VPS13B: variants seen among roughly 807,000 people sequenced by gnomAD.
VPS13B encodes vacuolar protein sorting 13 homolog B.
In VPS13B, 285 loss-of-function variants were observed where a neutral mutation model predicts 426.4. The ratio of observed to expected loss-of-function variants is 0.67; its 90% CI spans 0.61 to 0.74. The LOEUF is 0.74. Among genes scored for constraint, VPS13B ranks in the 30% least tolerant of loss-of-function variants. The pLI, the probability that VPS13B is intolerant of heterozygous loss-of-function variation, is 0.00. For missense variants in VPS13B, 4,537 were observed against 4,782.6 expected (o/e 0.95, Z 1.51); for synonymous variants, 1,676 against 1,676.4 (o/e 1.00, Z 0.01).
At chr8:99,499,118 G>A (rs1019734706) in intron 25 of VPS13B, among the ~76,000 whole-genome samples, 1 of 152,082 alleles carries the variant, frequency 6.6e-6, no homozygotes, top group Non-Finnish European at 1.5e-5. Flanking sequence ...GCAACAAAAT[G>A]GTAAAAGAAT....
chr8:99,203,097 C>G (rs1814452434), intron 17 of VPS13B, among the ~76,000 whole-genome samples: 1 of 151,500 alleles, frequency 6.6e-6, no homozygotes, highest in Middle Eastern at 3.2e-3. Context: ...GATGAACATC[C>G]ATGTGAAAAT....
rs532174582 is a variant in VPS13B at position 99,098,758 on chromosome 8, T to C, written c.412+2326T>C. ...ATCACATTTTTAGTGTAATGCTGTT[T>C]TTTATTATTAAAAAAATCTCTTAAA... On this transcript the variant is annotated intron_variant, in intron 4 of 61. Coordinates refer to ENST00000357162, the MANE Select transcript of VPS13B (RefSeq NM_152564.5). 8.5e-5 allele frequency among the ~76,000 whole-genome samples: 13 copies of C among 152,266 alleles called. No homozygotes were observed. The South Asian group carries it at 2.7e-3, about 32-fold the overall frequency.
intron 30 of VPS13B, among the ~76,000 whole-genome samples, chr8:99,539,980 G>A (rs1354573195): frequency 2.1e-5 from 2 of 95,696 alleles, no homozygotes; most frequent in Non-Finnish European, 3.9e-5. Context: ...AATGCTTATA[G>A]AAATAAATGA....
intron 36 of VPS13B, among the ~76,000 whole-genome samples, chr8:99,709,552 ATT>A (rs1249857077): frequency 6.6e-6 from 1 of 152,202 alleles, no homozygotes; most frequent in African/African-American, 2.4e-5. Context: ...TTCTGAAATT[ATT>A]TCTCAATGTT....
intron 19 of VPS13B, among the ~76,000 whole-genome samples, chr8:99,296,742 G>A (rs1034701209): frequency 4.6e-5 from 7 of 152,084 alleles, no homozygotes; most frequent in African/African-American, 7.2e-5. Context: ...TTATAAAAGA[G>A]GTTGAAGGAA....
chr8:99,211,149 TTA>T (rs1484735094), intron 17 of VPS13B, among the ~76,000 whole-genome samples: 3 of 152,140 alleles, frequency 2.0e-5, no homozygotes, highest in Non-Finnish European at 4.4e-5. Context: ...TGAAATTTTC[TTA>T]TAGGAATGAG....
At chr8:99,863,326 T>G (rs946497901) in intron 58 of VPS13B, among the ~76,000 whole-genome samples, 1 of 152,126 alleles carries the variant, frequency 6.6e-6, no homozygotes, top group South Asian at 2.1e-4. Context: ...CTTAATCCAA[T>G]GGATTAAGTG....
intron 4 of VPS13B, among the ~76,000 whole-genome samples, chr8:99,099,446 A>G (rs924688577): frequency 2.0e-5 from 3 of 152,222 alleles, no homozygotes; most frequent in Admixed American, 1.3e-4. Context: ...GACCACATCA[A>G]GATGAATCAA....
chr8:99,432,907 G>T (rs1055268160), intron 22 of VPS13B, among the ~76,000 whole-genome samples: 3 of 152,178 alleles, frequency 2.0e-5, no homozygotes, highest in Non-Finnish European at 4.4e-5. Flanking sequence ...TTACCATACT[G>T]TATTCAGAGA....
chr8:99,261,035 C>G (rs1818013506), intron 17 of VPS13B, among the ~76,000 whole-genome samples: 1 of 152,034 alleles, frequency 6.6e-6, no homozygotes, highest in South Asian at 2.1e-4. Context: ...TACCCCCACC[C>G]CAAAACATGT....
At chr8:99,793,579 A>G (rs1172115085) in intron 43 of VPS13B, among the ~76,000 whole-genome samples, 1 of 152,138 alleles carries the variant, frequency 6.6e-6, no homozygotes, top group African/African-American at 2.4e-5. Flanking sequence ...ATTATTGATC[A>G]TGGAAGAGAA....
intron 25 of VPS13B, among the ~76,000 whole-genome samples, chr8:99,491,947 G>A (rs1472660545): frequency 6.6e-6 from 1 of 152,092 alleles, no homozygotes; most frequent in East Asian, 1.9e-4. Context: ...GAGGCGCTCT[G>A]GTTTTTGGAA....
Position 99,848,897 on chromosome 8 carries a change from A to G in VPS13B, c.10061+3A>G, listed in dbSNP as rs1588779240. 1.9e-6 allele frequency: 3 copies of G among 1,611,868 alleles called. No homozygotes were observed. On this transcript the variant is annotated splice_donor_region_variant and intron_variant, in intron 55 of 61. Coordinates refer to ENST00000357162, the MANE Select transcript of VPS13B (RefSeq NM_152564.5). ...CCTATTTTAACCAATACCAACAGGT[A>G]GGTTTAATTATTTTCCCAGTGACAA...
chr8:99,167,186 A>G (rs1194396038), intron 15 of VPS13B, among the ~76,000 whole-genome samples: 1 of 152,070 alleles, frequency 6.6e-6, no homozygotes, highest in Non-Finnish European at 1.5e-5. Flanking sequence ...TCTTTGGTTG[A>G]TTTTGATTTC....
intron 44 of VPS13B, among the ~76,000 whole-genome samples, chr8:99,815,441 G>T (rs185369945): frequency 6.6e-6 from 1 of 151,962 alleles, no homozygotes; most frequent in Admixed American, 6.6e-5. Flanking sequence ...CTTTTCCTTC[G>T]ATTGGGTCTT....
intron 19 of VPS13B, among the ~76,000 whole-genome samples, chr8:99,328,989 G>T (rs1226004521): frequency 6.6e-6 from 1 of 152,064 alleles, no homozygotes; most frequent in Admixed American, 6.6e-5. Flanking sequence ...AGATTAAGTT[G>T]CTCATCTACT....
intron 35 of VPS13B, among the ~76,000 whole-genome samples, chr8:99,677,281 A>C (rs528558492): frequency 6.6e-6 from 1 of 152,134 alleles, no homozygotes; most frequent in African/African-American, 2.4e-5. Flanking sequence ...TCTTAATTCA[A>C]TTTTACAGCC....
chr8:99,759,701 C>T (rs897214983), intron 39 of VPS13B, among the ~76,000 whole-genome samples: 5 of 152,274 alleles, frequency 3.3e-5, no homozygotes, highest in Admixed American at 6.5e-5. Flanking sequence ...ACATATACTA[C>T]GTATCAGTCT....
In VPS13B at chr8:99,102,804, C is replaced by A. The variant is rs182153260; in HGVS notation, c.413-149C>A. 3,563 of 788,664 alleles carry A rather than the reference C, an allele frequency of 4.5e-3. 14 individuals carry two copies. Among genetic ancestry groups the A allele is most frequent in the Non-Finnish European group, 6.2e-3 (3,079 of 498,284 alleles). 48.9% of individuals were successfully genotyped at this position (788,664 alleles called of 1,614,324 possible). ...TATTACCTGTGTCACTTTGGCAAGCCTTTTAACCTATCTGAACTTCAGTTT... is the reference window on the plus strand; with the variant it reads ...TATTACCTGTGTCACTTTGGCAAGCATTTTAACCTATCTGAACTTCAGTTT... On this transcript the variant is annotated intron_variant, in intron 4 of 61. Coordinates refer to ENST00000357162, the MANE Select transcript of VPS13B (RefSeq NM_152564.5).
Sources: allele counts gnomAD v4.1 joint callset (sites outside exome capture counted in the v4.1 genomes callset), GRCh38; gene constraint gnomAD v4.1.1; transcripts MANE v1.5; gene names NCBI Gene and HGNC (gene_info 2026-07-23, HGNC 2026-07-21).